KIF6: variants seen among roughly 807,000 people sequenced by gnomAD.
KIF6 encodes the protein kinesin family member 6.
In KIF6, 106 loss-of-function variants were observed where a neutral mutation model predicts 112.7. That is an observed-to-expected ratio of 0.94 (90% CI 0.80 to 1.11). The LOEUF (loss-of-function observed/expected upper bound fraction) is 1.11. KIF6 is among the 50% of genes least tolerant of loss of function. The probability of loss-of-function intolerance (pLI) is 0.00; values close to 1 mark genes in which losing one functional copy is unlikely to be tolerated. For missense variants in KIF6, 929 were observed against 964.0 expected, an observed-to-expected ratio of 0.96 and a Z score of 0.48; for synonymous variants, 339 against 339.9, an observed-to-expected ratio of 1.00 and a Z score of 0.03.
intron 3 of KIF6, among the ~76,000 whole-genome samples, chr6:39,662,656 T>C (rs61065034): frequency 6.6e-6 from 1 of 152,174 alleles, no homozygotes; most frequent in Non-Finnish European, 1.5e-5. Context: ...GAAGGATTGC[T>C]TGAGTACAGG....
intron 13 of KIF6, among the ~76,000 whole-genome samples, chr6:39,519,289 A>G (rs1777249946): frequency 1.3e-5 from 2 of 152,242 alleles, no homozygotes; most frequent in South Asian, 4.1e-4. Context: ...ATTTCCAAAA[A>G]TAACCATATA....
rs943281718 is a variant in KIF6 at position 39,330,745 on chromosome 6, T to C, written c.*5787A>G. ...AAGCAGTTAACTCTGAAAAGGTTGC[T>C]GCTTCCTCCTATTCCTTGGGAGATG... On this transcript the variant is annotated 3_prime_UTR_variant, in exon 23 of 23. Coordinates refer to ENST00000287152, the MANE Select transcript of KIF6 (RefSeq NM_145027.6). 2.0e-5 allele frequency: 3 copies of C among 152,266 alleles called. No homozygotes were observed. Among genetic ancestry groups the C allele is most frequent in the Admixed American group, 6.5e-5 (1 of 15,290 alleles). The allele number at this position is 152,266 out of a possible 1,614,324, so 9.4% of individuals were successfully genotyped here.
chr6:39,447,416 G>C (rs1199115128), intron 13 of KIF6, among the ~76,000 whole-genome samples: 1 of 152,058 alleles, frequency 6.6e-6, no homozygotes, highest in South Asian at 2.1e-4. Flanking sequence ...TCTCCTGCCT[G>C]AACAATTTCC....
intron 13 of KIF6, among the ~76,000 whole-genome samples, chr6:39,465,324 A>G (rs1465291909): frequency 6.6e-6 from 1 of 152,206 alleles, no homozygotes; most frequent in Non-Finnish European, 1.5e-5. Flanking sequence ...GGTCTCAAGA[A>G]ATCAAAGTAA....
chr6:39,597,599 C>T (rs1782342867), intron 6 of KIF6, among the ~76,000 whole-genome samples: 1 of 152,132 alleles, frequency 6.6e-6, no homozygotes, highest in South Asian at 2.1e-4. Flanking sequence ...TGCTTCCTTA[C>T]ACAATGCACA....
At chr6:39,409,283 T>A (rs1443763248) in intron 15 of KIF6, among the ~76,000 whole-genome samples, 1 of 152,092 alleles carries the variant, frequency 6.6e-6, no homozygotes, top group Non-Finnish European at 1.5e-5. Flanking sequence ...CTTTGGGAAG[T>A]CCCCATGGCA....
intron 14 of KIF6, among the ~76,000 whole-genome samples, chr6:39,425,073 A>C (rs1408018109): frequency 1.3e-5 from 2 of 152,162 alleles, no homozygotes; most frequent in East Asian, 1.9e-4. Context: ...ACTAGGGATC[A>C]TGGGCAGTGG....
intron 15 of KIF6, 30 bp from the exon 16 acceptor site, chr6:39,385,702 T>C: frequency 6.4e-7 from 1 of 1,556,618 alleles, no homozygotes; most frequent in African/African-American, 1.4e-5. Context: ...AAACTACCAG[T>C]GGGTTTCCAA....
At chr6:39,629,594 A>G (rs1228192112) in intron 5 of KIF6, among the ~76,000 whole-genome samples, 1 of 152,052 alleles carries the variant, frequency 6.6e-6, no homozygotes, top group African/African-American at 2.4e-5. Context: ...TTATATCTTT[A>G]TCAGATATGT....
chr6:39,632,342 A>G (rs1201655889), intron 5 of KIF6, among the ~76,000 whole-genome samples: 2 of 152,174 alleles, frequency 1.3e-5, no homozygotes, highest in Non-Finnish European at 2.9e-5. Flanking sequence ...TAAGCCTTGT[A>G]TAAGAATGCA....
chr6:39,647,259 C>A (rs1164373998), intron 3 of KIF6, among the ~76,000 whole-genome samples: 2 of 152,064 alleles, frequency 1.3e-5, no homozygotes, highest in African/African-American at 4.8e-5. Flanking sequence ...GTGAGGAGGC[C>A]GACACTTCTG....
At chr6:39,347,929 C>T (rs1006780849) in intron 19 of KIF6, among the ~76,000 whole-genome samples, 1 of 152,244 alleles carries the variant, frequency 6.6e-6, no homozygotes, top group African/African-American at 2.4e-5. Context: ...AGTGGAGAGA[C>T]TTTCCACGAG....
intron 3 of KIF6, among the ~76,000 whole-genome samples, chr6:39,639,997 A>C (rs969009967): frequency 6.6e-6 from 1 of 152,126 alleles, no homozygotes; most frequent in Non-Finnish European, 1.5e-5. Flanking sequence ...CAGTCATCTT[A>C]AATATATTCT....
chr6:39,614,001 C>T (rs1157699984), intron 5 of KIF6, among the ~76,000 whole-genome samples: 3 of 152,100 alleles, frequency 2.0e-5, no homozygotes, highest in Admixed American at 1.3e-4. Flanking sequence ...AATTACATTC[C>T]TCTATTACAA....
intron 10 of KIF6, among the ~76,000 whole-genome samples, chr6:39,575,090 G>A (rs894864025): frequency 6.6e-6 from 1 of 151,986 alleles, no homozygotes; most frequent in Admixed American, 6.5e-5. Context: ...TAGTTCTAAG[G>A]CCCTATGGGT....
At chr6:39,461,462 A>T (rs1158684171) in intron 13 of KIF6, among the ~76,000 whole-genome samples, 3 of 152,112 alleles carry the variant, frequency 2.0e-5, no homozygotes, top group Non-Finnish European at 4.4e-5. Flanking sequence ...ATAATTTTAG[A>T]TTTTCTAGTA....
At chr6:39,346,100 TCC>T (rs1562113049) in intron 20 of KIF6, among the ~76,000 whole-genome samples, 18 of 8,160 alleles carry the variant, frequency 2.2e-3, no homozygotes, top group African/African-American at 4.2e-3. Flanking sequence ...CCCCTCTCCC[TCC>T]CCCCCTCCCT....
At chr6:39,492,617 T>C (rs1211389393) in intron 13 of KIF6, among the ~76,000 whole-genome samples, 1 of 152,206 alleles carries the variant, frequency 6.6e-6, no homozygotes, top group Non-Finnish European at 1.5e-5. Flanking sequence ...GATTTTGTAA[T>C]TGCTGTGTCT....
At chr6:39,440,584 C>G (rs546346996) in intron 13 of KIF6, among the ~76,000 whole-genome samples, 78 of 152,212 alleles carry the variant, frequency 5.1e-4, no homozygotes, top group African/African-American at 1.9e-3. Flanking sequence ...CCAGCACCCC[C>G]TCACTGTTCA....
Sources: gnomAD v4.1 joint callset for allele counts (sites outside exome capture counted in the v4.1 genomes callset) on GRCh38, gnomAD v4.1.1 for gene constraint, MANE v1.5 for transcripts, NCBI Gene and HGNC (gene_info 2026-07-23, HGNC 2026-07-21) for gene names.